Variants in SGCZ observed in about 807,000 individuals in gnomAD.
The protein encoded by SGCZ is sarcoglycan zeta, also known as zeta-sarcoglycan.
Under a neutral mutation model 41.3 loss-of-function variants are expected in SGCZ, and 40 were observed. The observed-to-expected ratio is 0.97, with a 90% confidence interval of 0.75 to 1.26. The LOEUF is 1.26. Among genes scored for constraint, SGCZ ranks in the 50% most tolerant of loss-of-function variants. The pLI is 0.00. For missense variants in SGCZ, 552 were observed against 369.8 expected, an observed-to-expected ratio of 1.49 and a Z score of -4.04; for synonymous variants, 206 against 137.5, an observed-to-expected ratio of 1.50 and a Z score of -3.49.
At chr8:14,395,315 G>C (rs1798880716) in intron 2 of SGCZ, among the ~76,000 whole-genome samples, 1 of 152,132 alleles carries the variant, frequency 6.6e-6, no homozygotes, top group South Asian at 2.1e-4. Flanking sequence ...AGAAATAAAA[G>C]AGTAGGATTC....
At chr8:15,054,623 G>A (rs1282315780) in intron 1 of SGCZ, among the ~76,000 whole-genome samples, 2 of 152,022 alleles carry the variant, frequency 1.3e-5, no homozygotes, top group African/African-American at 4.8e-5. Flanking sequence ...CATTCACTAG[G>A]TATGTAACCT....
At chr8:14,165,109 T>C (rs1244582206) in intron 4 of SGCZ, 2 of 163,176 alleles carry the variant, frequency 1.2e-5, no homozygotes, top group African/African-American at 2.4e-5. Flanking sequence ...GTGTAGACAA[T>C]AGTACCCATG....
chr8:15,117,726 A>G (rs1456465911), intron 1 of SGCZ, among the ~76,000 whole-genome samples: 2 of 152,232 alleles, frequency 1.3e-5, no homozygotes, highest in African/African-American at 4.8e-5. Context: ...CCTATGGATA[A>G]ATAAAAGCCA....
intron 1 of SGCZ, among the ~76,000 whole-genome samples, chr8:15,022,318 T>C (rs1041136772): frequency 5.3e-5 from 8 of 152,174 alleles, no homozygotes; most frequent in African/African-American, 1.9e-4. Context: ...TTTTCTAAAA[T>C]GAAATGATAT....
intron 3 of SGCZ, among the ~76,000 whole-genome samples, chr8:14,240,477 T>C (rs1321420109): frequency 6.6e-6 from 1 of 152,134 alleles, no homozygotes; most frequent in African/African-American, 2.4e-5. Context: ...CTTCTTTTCA[T>C]ATAATTCTCC....
chr8:14,108,879 T>C (rs552636621), intron 5 of SGCZ, among the ~76,000 whole-genome samples: 2 of 152,326 alleles, frequency 1.3e-5, no homozygotes, highest in South Asian at 4.1e-4. Flanking sequence ...CTCATCTCTG[T>C]CCCCTGCCTT....
At chr8:14,474,541 T>C (rs973371577) in intron 2 of SGCZ, among the ~76,000 whole-genome samples, 1 of 152,194 alleles carries the variant, frequency 6.6e-6, no homozygotes, top group Non-Finnish European at 1.5e-5. Context: ...TGGTTTTACT[T>C]TGTAGAGCGC....
intron 1 of SGCZ, among the ~76,000 whole-genome samples, chr8:14,810,757 A>T (rs1801714492): frequency 6.6e-6 from 1 of 152,004 alleles, no homozygotes; most frequent in South Asian, 2.1e-4. Flanking sequence ...TCACAACAGA[A>T]ATTGGTAAAC....
At chr8:14,144,449 T>C (rs1409655919) in intron 5 of SGCZ, among the ~76,000 whole-genome samples, 2 of 152,154 alleles carry the variant, frequency 1.3e-5, no homozygotes, top group Non-Finnish European at 2.9e-5. Context: ...TGAAGAGCCC[T>C]TGGGCCCTGA....
intron 5 of SGCZ, among the ~76,000 whole-genome samples, chr8:14,163,563 G>A (rs1414408455): frequency 6.6e-6 from 1 of 152,052 alleles, no homozygotes; most frequent in African/African-American, 2.4e-5. Context: ...TATGTACTGA[G>A]CACATTCTCA....
In SGCZ at chr8:14,444,557, T is replaced by C. The variant is rs1446377684; in HGVS notation, c.234+110175A>G. The stretch of plus-strand genomic sequence containing the variant: ...AATCATCATTCTCAGTAAACTATCG[T>C]AAGAACAAAAAACCAAACACCACAT... On this transcript the variant is annotated intron_variant, in intron 2 of 7. Coordinates refer to ENST00000382080, the MANE Select transcript of SGCZ (RefSeq NM_139167.4). Among the ~76,000 whole-genome samples the C allele has an allele frequency of 6.0e-4, 88 of 147,382 alleles. 1 individual carries two copies. Among genetic ancestry groups the C allele is most frequent in the African/African-American group, 2.1e-3 (82 of 39,774 alleles).
intron 5 of SGCZ, among the ~76,000 whole-genome samples, chr8:14,157,653 T>G (rs997447119): frequency 1.3e-5 from 2 of 151,872 alleles, no homozygotes; most frequent in African/African-American, 4.8e-5. Flanking sequence ...ACAGGAAATG[T>G]GAATTGTATA....
intron 1 of SGCZ, among the ~76,000 whole-genome samples, chr8:14,645,602 G>A (rs58422505): frequency 0.19 from 28,057 of 149,636 alleles, 3,094 homozygotes; most frequent in East Asian, 0.58. Flanking sequence ...TGGATAAACA[G>A]CATCAGATTG....
intron 1 of SGCZ, among the ~76,000 whole-genome samples, chr8:15,107,526 C>T (rs1806877489): frequency 6.6e-6 from 1 of 152,124 alleles, no homozygotes; most frequent in African/African-American, 2.4e-5. Context: ...CCGTACATAC[C>T]CAGTCCCCTT....
chr8:14,316,107 A>T (rs1563252785), intron 3 of SGCZ, among the ~76,000 whole-genome samples: 1 of 151,960 alleles, frequency 6.6e-6, no homozygotes, highest in Non-Finnish European at 1.5e-5. Flanking sequence ...GAATTAAATC[A>T]TACCTTTAAG....
At chr8:14,965,929 A>T (rs995397032) in intron 1 of SGCZ, among the ~76,000 whole-genome samples, 1 of 152,118 alleles carries the variant, frequency 6.6e-6, no homozygotes, top group African/African-American at 2.4e-5. Context: ...TCGAAGAAGA[A>T]ACCAAAACTA....
intron 2 of SGCZ, among the ~76,000 whole-genome samples, chr8:14,402,985 T>C (rs1388412663): frequency 3.3e-3 from 476 of 144,904 alleles, no homozygotes; most frequent in Middle Eastern, 0.014. Context: ...TTTGTAGTTC[T>C]CCTTGAAGAG....
At position 14,123,503 on chromosome 8, in the gene SGCZ, A is replaced by G. The variant is rs573018818; in HGVS notation, c.548-15268T>C. ...ATTAAATCATTCTTAAATATCATCC[A>G]TCCTACTTTTCAAGGCATGTCACAT... On this transcript the variant is annotated intron_variant, in intron 5 of 7. Transcript: ENST00000382080. 3.3e-5 allele frequency among the ~76,000 whole-genome samples: 5 copies of G among 152,278 alleles called. No individual in the cohort carries two copies. In the East Asian group the frequency reaches 9.6e-4, roughly 29 times the overall value.
intron 7 of SGCZ, among the ~76,000 whole-genome samples, chr8:14,099,202 A>G (rs1357183299): frequency 1.3e-5 from 2 of 152,170 alleles, no homozygotes; most frequent in Non-Finnish European, 2.9e-5. Flanking sequence ...ACTTGAGCAT[A>G]TCTTTTTCTG....
Sources: allele counts gnomAD v4.1 joint callset (sites outside exome capture counted in the v4.1 genomes callset), GRCh38; gene constraint gnomAD v4.1.1; transcripts MANE v1.5; gene names NCBI Gene and HGNC (gene_info 2026-07-23, HGNC 2026-07-21).